TBC1D31: variants seen among roughly 807,000 people sequenced by gnomAD.
TBC1D31 encodes the protein TBC1 domain family member 31.
Under a neutral mutation model 132.9 loss-of-function variants are expected in TBC1D31, and 99 were observed. The ratio of observed to expected loss-of-function variants is 0.74; its 90% confidence interval spans 0.63 to 0.88. The LOEUF is 0.88. Ranked by LOEUF, TBC1D31 falls within the 40% of genes least tolerant of loss-of-function variation. The probability of loss-of-function intolerance (pLI) is 0.00; values close to 1 mark genes in which losing one functional copy is unlikely to be tolerated. For synonymous variants in TBC1D31, 385 were observed against 419.4 expected (o/e 0.92, Z 1.00); for missense variants, 1,134 against 1,256.6 (o/e 0.90, Z 1.48).
intron 11 of TBC1D31, among the ~76,000 whole-genome samples, chr8:123,122,609 A>T (rs775681796): frequency 3.5e-4 from 53 of 152,326 alleles, no homozygotes; most frequent in Admixed American, 6.5e-4. Flanking sequence ...GGGAATAGAT[A>T]GTATAACCCT....
intron 11 of TBC1D31, among the ~76,000 whole-genome samples, chr8:123,125,391 C>G (rs1336695550): frequency 6.6e-6 from 1 of 152,020 alleles, no homozygotes; most frequent in South Asian, 2.1e-4. Flanking sequence ...CCACTGTTAC[C>G]GATTGGTTGG....
At chr8:123,103,041 A>G (rs1365691480) in intron 7 of TBC1D31, 2 of 152,252 alleles carry the variant, frequency 1.3e-5, no homozygotes, top group African/African-American at 4.8e-5. Context: ...CTTTAAACAG[A>G]AACACACATA....
chr8:123,092,633 C>A (rs866659207), intron 4 of TBC1D31, among the ~76,000 whole-genome samples: 1 of 151,752 alleles, frequency 6.6e-6, no homozygotes, highest in Admixed American at 6.6e-5. Context: ...GACAAACACC[C>A]CATTTTGTCT....
In TBC1D31 at chr8:123,150,062, G is replaced by A; in HGVS notation, c.3001G>A (p.Asp1001Asn). ...AGAACCCAGGTTCCAAAATGAACAG[G>A]ACTCAAGCTGTTTGCCTAGAACCTC... ...KEEPRFQNEQ[D>N]SSCLPRTSQL... Residue 1001 changes from aspartate (D) to asparagine (N), a missense_variant, in exon 21 of 22, where the codon GAC (aspartate) becomes AAC (asparagine). Coordinates refer to ENST00000287380, the MANE Select transcript of TBC1D31 (RefSeq NM_145647.4). 1.2e-6 allele frequency: 2 copies of A among 1,613,992 alleles called. No homozygotes were observed. Among genetic ancestry groups the A allele is most frequent in the Non-Finnish European group, 8.5e-7 (1 of 1,179,932 alleles).
intron 6 of TBC1D31, 35 bp downstream of exon 6, chr8:123,097,476 G>C (rs748405259): frequency 1.3e-6 from 2 of 1,598,268 alleles, no homozygotes; most frequent in Admixed American, 3.4e-5. Context: ...TGTACTTTTT[G>C]AGAAAGAACG....
chr8:123,116,523 T>C (rs1192729504), intron 10 of TBC1D31, among the ~76,000 whole-genome samples: 1 of 152,204 alleles, frequency 6.6e-6, no homozygotes, highest in African/African-American at 2.4e-5. Flanking sequence ...TCTTAACGTA[T>C]ATGCAGATAA....
chr8:123,077,847 G>A (rs867180063), intron 2 of TBC1D31, among the ~76,000 whole-genome samples: 1 of 152,080 alleles, frequency 6.6e-6, no homozygotes, highest in Non-Finnish European at 1.5e-5. Flanking sequence ...TCAGGAGTTC[G>A]AGACCAGCTT....
the TBC1D31 span, among the ~76,000 whole-genome samples, chr8:123,158,900 A>G: frequency 1.3e-5 from 2 of 152,000 alleles, no homozygotes; most frequent in East Asian, 3.9e-4. Flanking sequence ...GGAGACTGAC[A>G]CCCAGTCCTC....
chr8:123,082,302 T>A (rs1815249052), intron 2 of TBC1D31, among the ~76,000 whole-genome samples: 1 of 152,050 alleles, frequency 6.6e-6, no homozygotes, highest in African/African-American at 2.4e-5. Context: ...TGATTCCCTC[T>A]TCTTCACTCC....
chr8:123,106,158 G>C (rs957881051), intron 8 of TBC1D31, among the ~76,000 whole-genome samples: 1 of 152,070 alleles, frequency 6.6e-6, no homozygotes, highest in East Asian at 1.9e-4. Flanking sequence ...CCATGGTTTT[G>C]TTTACATGTA....
intron 10 of TBC1D31, among the ~76,000 whole-genome samples, chr8:123,111,554 A>G (rs1358256355): frequency 6.6e-6 from 1 of 152,178 alleles, no homozygotes; most frequent in Non-Finnish European, 1.5e-5. Context: ...CAGATTTAAG[A>G]TTACAAATTT....
downstream of TBC1D31, among the ~76,000 whole-genome samples, chr8:123,154,816 C>G (rs1822944947): frequency 6.6e-6 from 1 of 152,128 alleles, no homozygotes; most frequent in Admixed American, 6.5e-5. Flanking sequence ...ACTAGATGTC[C>G]CCCATGCACA....
At chr8:123,102,093 G>C (rs10956116) in intron 7 of TBC1D31, among the ~76,000 whole-genome samples, 14 of 150,858 alleles carry the variant, frequency 9.3e-5, no homozygotes, top group African/African-American at 3.1e-4. Context: ...TCCATTTCAC[G>C]AAAATGCATG....
At chr8:123,130,811 G>A (rs1046206666) in intron 16 of TBC1D31, among the ~76,000 whole-genome samples, 1 of 151,166 alleles carries the variant, frequency 6.6e-6, no homozygotes, top group Admixed American at 6.6e-5. Flanking sequence ...TCTTAGAGAC[G>A]GGATTTCATC....
At chr8:123,091,698 GT>G (rs1204145248) in intron 4 of TBC1D31, among the ~76,000 whole-genome samples, 3 of 152,150 alleles carry the variant, frequency 2.0e-5, no homozygotes, top group Non-Finnish European at 4.4e-5. Context: ...ATATGTGTGT[GT>G]GTTGTACAGA....
the TBC1D31 span, among the ~76,000 whole-genome samples, chr8:123,161,943 G>T: frequency 6.7e-6 from 1 of 149,122 alleles, no homozygotes; most frequent in Admixed American, 6.7e-5. Context: ...GCTTGAACCC[G>T]AGAGGCGGAG....
chr8:123,128,546 C>A, intron 14 of TBC1D31, 33 bp downstream of exon 14: 2 of 1,427,656 alleles, frequency 1.4e-6, no homozygotes, highest in Non-Finnish European at 2.0e-6. Flanking sequence ...TTTTCTGATA[C>A]AATGAAATAT....
At chr8:123,106,585 A>G (rs1364069183) in intron 8 of TBC1D31, among the ~76,000 whole-genome samples, 1 of 152,242 alleles carries the variant, frequency 6.6e-6, no homozygotes, top group East Asian at 1.9e-4. Context: ...TCAGGCATCC[A>G]CTGGGGATCT....
the TBC1D31 span, among the ~76,000 whole-genome samples, chr8:123,165,013 T>C: frequency 1.3e-5 from 2 of 152,136 alleles, no homozygotes; most frequent in Admixed American, 6.5e-5. Flanking sequence ...GGAGAGGAGA[T>C]CTGGATACAG....
Sources: allele counts gnomAD v4.1 joint callset (sites outside exome capture counted in the v4.1 genomes callset), GRCh38; gene constraint gnomAD v4.1.1; transcripts MANE v1.5; gene names NCBI Gene and HGNC (gene_info 2026-07-23, HGNC 2026-07-21).